The following CDH12 variants were observed in gnomAD, a reference collection of about 807,000 sequenced individuals.
CDH12 encodes the protein cadherin 12.
A neutral mutation model predicts 74.1 loss-of-function variants in CDH12; 41 were observed. The observed-to-expected ratio is 0.55, with a 90% CI of 0.43 to 0.72. The LOEUF (loss-of-function observed/expected upper bound fraction) is 0.72, where lower values mean the gene tolerates loss of function less well. Ranked by LOEUF, CDH12 falls within the 30% of genes least tolerant of loss-of-function variation. The probability of loss-of-function intolerance (pLI) is 0.00; values close to 1 mark genes in which losing one functional copy is unlikely to be tolerated. For missense variants in CDH12, 945 were observed against 977.2 expected (o/e 0.97, Z 0.44); for synonymous variants, 399 against 355.0 (o/e 1.12, Z -1.39).
intron 1 of CDH12, among the ~76,000 whole-genome samples, chr5:22,552,484 A>G (rs1190130198): frequency 6.6e-6 from 1 of 150,488 alleles, no homozygotes; most frequent in Non-Finnish European, 1.5e-5. Context: ...GCTGGAGTGC[A>G]GTGGCATGAT....
chr5:22,300,558 GA>G (rs1737835810), intron 3 of CDH12, among the ~76,000 whole-genome samples: 1 of 152,126 alleles, frequency 6.6e-6, no homozygotes, highest in African/African-American at 2.4e-5. Context: ...GTTTTCAATT[GA>G]AAAACGTGAA....
At chr5:22,761,983 G>A (rs1746253693) in intron 1 of CDH12, among the ~76,000 whole-genome samples, 1 of 151,420 alleles carries the variant, frequency 6.6e-6, no homozygotes, top group African/African-American at 2.4e-5. Flanking sequence ...GTGTTATAAA[G>A]GTGCCAATGG....
At chr5:22,217,988 A>G (rs997239532) in intron 3 of CDH12, among the ~76,000 whole-genome samples, 1 of 151,696 alleles carries the variant, frequency 6.6e-6, no homozygotes, top group Admixed American at 6.6e-5. Flanking sequence ...TTTCTTATTA[A>G]TTCATAACTA....
rs140278904 is a variant in CDH12 at position 22,201,966 on chromosome 5, G to T, written c.-187+10532C>A. On this transcript the variant is annotated intron_variant, in intron 4 of 14. Coordinates refer to ENST00000382254, the MANE Select transcript of CDH12 (RefSeq NM_004061.5). ...TAATTGGATCTGTGGGAAGTCAGAA[G>T]TGGGAAGGCAAAGATGTTTGCTGGA... Among the ~76,000 whole-genome samples the T allele has an allele frequency of 1.7e-3, 259 of 152,300 alleles. 1 individual carries two copies. The highest frequency in any genetic ancestry group is 0.01 in the Middle Eastern group (3 of 294).
intron 8 of CDH12, among the ~76,000 whole-genome samples, chr5:21,825,575 C>A (rs1316111555): frequency 6.6e-6 from 1 of 152,116 alleles, no homozygotes; most frequent in Admixed American, 6.6e-5. Context: ...CCCTTTCCAA[C>A]AGAACTTTTC....
In CDH12 at chr5:22,314,790, G is replaced by C. The variant is rs527710374; in HGVS notation, c.-333+90467C>G. ...AACATACAAACCAAAAAAGGAATGA[G>C]GAAAGATCATAAAGATAAGAGGAAT... On this transcript the variant is annotated intron_variant, in intron 3 of 14. Coordinates refer to ENST00000382254, the MANE Select transcript of CDH12 (RefSeq NM_004061.5). 5.5e-4 allele frequency among the ~76,000 whole-genome samples: 83 copies of C among 151,114 alleles called. 2 individuals carry two copies. Among genetic ancestry groups the C allele is most frequent in the African/African-American group, 1.9e-3 (77 of 41,166 alleles).
At chr5:22,390,555 T>C (rs1012487021) in intron 3 of CDH12, among the ~76,000 whole-genome samples, 2 of 148,592 alleles carry the variant, frequency 1.3e-5, no homozygotes, top group Admixed American at 1.4e-4. Context: ...CCAAAAGCCT[T>C]GATTACATGG....
chr5:22,788,141 T>C (rs1747732730), intron 1 of CDH12, among the ~76,000 whole-genome samples: 1 of 152,162 alleles, frequency 6.6e-6, no homozygotes, highest in African/African-American at 2.4e-5. Flanking sequence ...TGGTCATTTC[T>C]CTCCTGTATT....
intron 6 of CDH12, among the ~76,000 whole-genome samples, chr5:21,949,144 C>T (rs982753855): frequency 5.3e-5 from 8 of 152,120 alleles, no homozygotes; most frequent in Admixed American, 4.6e-4. Flanking sequence ...ATTACATTTT[C>T]GTGTATTTAC....
chr5:22,696,243 C>G (rs578260082), intron 1 of CDH12, among the ~76,000 whole-genome samples: 31 of 151,960 alleles, frequency 2.0e-4, no homozygotes, highest in Middle Eastern at 3.4e-3. Flanking sequence ...TGGTGGCGGG[C>G]ACCTGTAGTC....
At chr5:22,706,180 C>G (rs1742999028) in intron 1 of CDH12, among the ~76,000 whole-genome samples, 1 of 152,036 alleles carries the variant, frequency 6.6e-6, no homozygotes, top group Non-Finnish European at 1.5e-5. Context: ...TTTCCCCTGG[C>G]AGGTACTAAC....
chr5:22,311,970 C>A (rs1738413828), intron 3 of CDH12, among the ~76,000 whole-genome samples: 1 of 151,006 alleles, frequency 6.6e-6, no homozygotes, highest in African/African-American at 2.4e-5. Flanking sequence ...ATGATGTGTC[C>A]CCAAAACTAT....
chr5:22,168,665 T>C (rs1748835245), intron 4 of CDH12, among the ~76,000 whole-genome samples: 1 of 152,032 alleles, frequency 6.6e-6, no homozygotes, highest in Non-Finnish European at 1.5e-5. Flanking sequence ...CTTTCCATCC[T>C]GACTCTCCTT....
chr5:22,346,105 CAAA>C (rs5866560), intron 3 of CDH12, among the ~76,000 whole-genome samples: 2 of 101,626 alleles, frequency 2.0e-5, no homozygotes, highest in Non-Finnish European at 2.0e-5. Context: ...GACTTCATCT[CAAA>C]AAAAAAAAAA....
chr5:22,668,591 T>A (rs945443708), intron 1 of CDH12, among the ~76,000 whole-genome samples: 1 of 152,104 alleles, frequency 6.6e-6, no homozygotes. Context: ...GGTGGTTGAG[T>A]GTGCTAGTTT....
intron 1 of CDH12, among the ~76,000 whole-genome samples, chr5:22,806,206 T>G (rs2126433071): frequency 6.6e-6 from 1 of 152,292 alleles, no homozygotes; most frequent in Middle Eastern, 3.4e-3. Flanking sequence ...ATGGTATTTC[T>G]GGTTCTAGAT....
intron 5 of CDH12, among the ~76,000 whole-genome samples, chr5:22,043,257 G>A (rs1739699339): frequency 6.6e-6 from 1 of 151,970 alleles, no homozygotes; most frequent in Non-Finnish European, 1.5e-5. Flanking sequence ...GTGAGCAAGT[G>A]GGTTTCATCC....
intron 5 of CDH12, among the ~76,000 whole-genome samples, chr5:22,058,713 G>T (rs1199926111): frequency 1.0e-5 from 1 of 98,046 alleles, no homozygotes; most frequent in African/African-American, 4.0e-5. Context: ...GAAAGAAAAA[G>T]AAAGAAAGAA....
intron 3 of CDH12, among the ~76,000 whole-genome samples, chr5:22,371,725 T>C (rs755842223): frequency 1.3e-5 from 2 of 152,162 alleles, no homozygotes; most frequent in African/African-American, 2.4e-5. Flanking sequence ...AGTACATATG[T>C]AGAATATTAT....
Sources: gnomAD v4.1 joint callset for allele counts (sites outside exome capture counted in the v4.1 genomes callset) on GRCh38, gnomAD v4.1.1 for gene constraint, MANE v1.5 for transcripts, NCBI Gene and HGNC (gene_info 2026-07-23, HGNC 2026-07-21) for gene names.